The following FRMD4A variants were observed in gnomAD, a reference collection of about 807,000 sequenced individuals.
The protein encoded by FRMD4A is FERM domain containing 4A.
Under a neutral mutation model 129.1 loss-of-function variants are expected in FRMD4A, and 29 were observed. The ratio of observed to expected loss-of-function variants is 0.22; its 90% CI spans 0.17 to 0.31. The LOEUF is 0.31. FRMD4A is among the 10% of genes least tolerant of loss of function. The pLI is 1.00. For missense variants in FRMD4A, 1,272 were observed against 1,375.8 expected (o/e 0.92, Z 1.19); for synonymous variants, 634 against 571.6 (o/e 1.11, Z -1.56).
chr10:13,973,909 T>C (rs2095530939), intron 2 of FRMD4A, among the ~76,000 whole-genome samples: 1 of 152,212 alleles, frequency 6.6e-6, no homozygotes, highest in South Asian at 2.1e-4. Context: ...TATATTATAG[T>C]TAGTTTCAGT....
At chr10:14,188,318 T>G (rs903446457) in intron 2 of FRMD4A, among the ~76,000 whole-genome samples, 3 of 152,196 alleles carry the variant, frequency 2.0e-5, no homozygotes, top group African/African-American at 7.2e-5. Flanking sequence ...TTTCTCAGAC[T>G]TGAATGCTTC....
chr10:14,123,816 G>A (rs1838672993), intron 2 of FRMD4A, among the ~76,000 whole-genome samples: 1 of 152,134 alleles, frequency 6.6e-6, no homozygotes, highest in South Asian at 2.1e-4. Context: ...TTTGTTTCCA[G>A]CGGGCTCCGT....
chr10:14,052,880 A>G (rs1834330158), intron 2 of FRMD4A, among the ~76,000 whole-genome samples: 1 of 152,090 alleles, frequency 6.6e-6, no homozygotes, highest in Non-Finnish European at 1.5e-5. Context: ...CTCTTTTTTA[A>G]CACTCAGATC....
chr10:13,687,792 G>A (rs1271841924), intron 15 of FRMD4A, among the ~76,000 whole-genome samples: 1 of 152,208 alleles, frequency 6.6e-6, no homozygotes, highest in African/African-American at 2.4e-5. Context: ...CAGAGGCACT[G>A]AGCACCTGCA....
At chr10:13,882,625 A>G (rs1189770108) in intron 2 of FRMD4A, among the ~76,000 whole-genome samples, 1 of 152,166 alleles carries the variant, frequency 6.6e-6, no homozygotes, top group African/African-American at 2.4e-5. Context: ...CTCCTTCAGG[A>G]AAGTTCTGCT....
In FRMD4A at chr10:13,780,353, C is replaced by T. The variant is rs143101863; in HGVS notation, c.384+2569G>A. On this transcript the variant is annotated intron_variant, in intron 6 of 24. Transcript: ENST00000357447. ...AAAAAAAAAAAAATGTTCTTTTAGT[C>T]GCAGTTCCTAACCTCAGTGATATTC... Among the ~76,000 whole-genome samples the T allele has an allele frequency of 8.8e-3, 1,336 of 151,612 alleles. 13 individuals are homozygous for T. Among genetic ancestry groups the T allele is most frequent in the Middle Eastern group, 0.014 (4 of 294 alleles).
intron 2 of FRMD4A, among the ~76,000 whole-genome samples, chr10:14,123,750 C>G (rs1838669095): frequency 6.6e-6 from 1 of 152,188 alleles, no homozygotes. Flanking sequence ...TGTTCTGGAG[C>G]TGAAGTTCAA....
chr10:13,895,066 C>G (rs566357261), intron 2 of FRMD4A, among the ~76,000 whole-genome samples: 1 of 152,332 alleles, frequency 6.6e-6, no homozygotes, highest in East Asian at 1.9e-4. Flanking sequence ...GCTGAATAAG[C>G]ATAAACCTTT....
intron 2 of FRMD4A, among the ~76,000 whole-genome samples, chr10:14,301,677 C>T (rs994344176): frequency 1.3e-5 from 2 of 152,104 alleles, no homozygotes; most frequent in Non-Finnish European, 2.9e-5. Flanking sequence ...ATTCATAAAA[C>T]TATATTCCAT....
intron 5 of FRMD4A, among the ~76,000 whole-genome samples, chr10:13,791,740 C>T (rs1296334795): frequency 6.6e-6 from 1 of 152,294 alleles, no homozygotes; most frequent in East Asian, 1.9e-4. Context: ...GATGCAGAAA[C>T]AGCCCAGGAG....
chr10:13,873,798 T>C (rs10906528), intron 2 of FRMD4A, among the ~76,000 whole-genome samples: 151,790 of 152,028 alleles, frequency 1, 75,778 homozygotes, highest in Middle Eastern at 1. Context: ...CTGTCCACCT[T>C]GGCCTCCCAA....
At position 13,890,182 on chromosome 10, in the gene FRMD4A, G is replaced by A. The variant is rs1055813108; in HGVS notation, c.46-31270C>T. On this transcript the variant is annotated intron_variant, in intron 2 of 24. Transcript: ENST00000357447. The stretch of plus-strand genomic sequence containing the variant: ...TCCAAGTCACACTCAAACATAAATG[G>A]GGCTTAATGCTACGAATGGGCTTGA... 2.0e-4 allele frequency among the ~76,000 whole-genome samples: 31 copies of A among 152,198 alleles called. 1 individual carries two copies. Among genetic ancestry groups the A allele is most frequent in the African/African-American group, 7.5e-4 (31 of 41,454 alleles).
At chr10:13,838,375 T>C (rs992848791) in intron 3 of FRMD4A, among the ~76,000 whole-genome samples, 1 of 151,900 alleles carries the variant, frequency 6.6e-6, no homozygotes, top group Non-Finnish European at 1.5e-5. Context: ...ATTACAGGCA[T>C]GAACTACCAC....
chr10:13,902,740 T>C lies in FRMD4A; in HGVS notation c.46-43828A>G, dbSNP rs79842377. ...TTGTAATCCCAGCTACTTGGGAGGC[T>C]GAGGCAGGAGGACTGCTTGAACCCG... On this transcript the variant is annotated intron_variant, in intron 2 of 24. Coordinates refer to ENST00000357447, the MANE Select transcript of FRMD4A (RefSeq NM_018027.5). Among the ~76,000 whole-genome samples the C allele has an allele frequency of 0.012, 1,761 of 150,418 alleles. 81 individuals carry two copies. In the East Asian group the frequency reaches 0.15, roughly 13 times the overall value.
At chr10:13,698,473 T>C (rs2086451377) in intron 14 of FRMD4A, among the ~76,000 whole-genome samples, 1 of 152,224 alleles carries the variant, frequency 6.6e-6, no homozygotes, top group Admixed American at 6.5e-5. Flanking sequence ...ATCGCTGTTC[T>C]ATAAAGAACA....
At chr10:13,907,019 G>C (rs1171797040) in intron 2 of FRMD4A, among the ~76,000 whole-genome samples, 1 of 152,110 alleles carries the variant, frequency 6.6e-6, no homozygotes. Flanking sequence ...CACGCCCATA[G>C]GTCAACTTCT....
intron 2 of FRMD4A, among the ~76,000 whole-genome samples, chr10:14,132,657 T>G (rs1839322309): frequency 6.6e-6 from 1 of 152,100 alleles, no homozygotes; most frequent in Admixed American, 6.5e-5. Context: ...AATCCTCTCA[T>G]TTGATGTTGG....
intron 2 of FRMD4A, among the ~76,000 whole-genome samples, chr10:14,171,546 G>C (rs1022424076): frequency 4.0e-4 from 61 of 152,254 alleles, no homozygotes; most frequent in African/African-American, 1.4e-3. Context: ...TGCCCTCTCT[G>C]CAACTGCCTT....
chr10:13,738,476 A>G (rs549078733), intron 11 of FRMD4A, among the ~76,000 whole-genome samples: 1 of 152,306 alleles, frequency 6.6e-6, no homozygotes, highest in African/African-American at 2.4e-5. Flanking sequence ...CGGGGAGCAC[A>G]GGCTGGAAGG....
Sources: gnomAD v4.1 joint callset for allele counts (sites outside exome capture counted in the v4.1 genomes callset) on GRCh38, gnomAD v4.1.1 for gene constraint, MANE v1.5 for transcripts, NCBI Gene and HGNC (gene_info 2026-07-23, HGNC 2026-07-21) for gene names.